CRTC1: variants seen among roughly 807,000 people sequenced by gnomAD.
CRTC1 encodes CREB-regulated transcription coactivator 1.
In CRTC1, 18 loss-of-function variants were observed where a neutral mutation model predicts 66.1. That is an observed-to-expected ratio of 0.27 (90% CI 0.19 to 0.40). The LOEUF is 0.40. CRTC1 is among the 10% of genes least tolerant of loss of function. The pLI is 1.00. For missense variants in CRTC1, 669 were observed against 887.9 expected (o/e 0.75, Z 3.13); for synonymous variants, 416 against 398.8 (o/e 1.04, Z -0.51).
intron 1 of CRTC1, among the ~76,000 whole-genome samples, chr19:18,697,097 A>C (rs1050576583): frequency 3.9e-5 from 6 of 151,912 alleles, no homozygotes; most frequent in African/African-American, 1.5e-4. Context: ...CAGCAGCTGG[A>C]TGGGGGTCCA....
intron 2 of CRTC1, among the ~76,000 whole-genome samples, chr19:18,743,467 G>A (rs575298373): frequency 2.2e-3 from 338 of 152,354 alleles, no homozygotes; most frequent in Non-Finnish European, 3.5e-3. Context: ...CACAGCCGCC[G>A]TGCACAGCCT....
intron 10 of CRTC1, among the ~76,000 whole-genome samples, chr19:18,769,058 G>A (rs1271720842): frequency 6.6e-6 from 1 of 152,242 alleles, no homozygotes; most frequent in African/African-American, 2.4e-5. Context: ...TAACTGCCGA[G>A]CACCCCTTCT....
At position 18,768,171 on chromosome 19, in the gene CRTC1, G is replaced by A. The variant is rs971215503; in HGVS notation, c.1012-314G>A. Among the ~76,000 whole-genome samples the A allele has an allele frequency of 6.6e-5, 10 of 152,190 alleles. No homozygotes were observed. The highest frequency in any genetic ancestry group is 2.4e-4 in the African/African-American group (10 of 41,442). On this transcript the variant is annotated intron_variant, in intron 9 of 13. Coordinates refer to ENST00000321949, the MANE Select transcript of CRTC1 (RefSeq NM_015321.3). The surrounding 1 kb of genome is among the most constrained non-coding windows in gnomAD (Gnocchi z 5.6). ...GAGCTGGCTGCTCACTGAGCCACCA[G>A]GGATGGCCATCCTGGGCTTGCCCTG...
chr19:18,739,893 G>A (rs1049115636), intron 1 of CRTC1, among the ~76,000 whole-genome samples: 10 of 152,120 alleles, frequency 6.6e-5, no homozygotes, highest in African/African-American at 2.2e-4. Flanking sequence ...AAATTCACTG[G>A]AAGGACTCCC....
chr19:18,719,640 A>G (rs369959383), intron 1 of CRTC1, among the ~76,000 whole-genome samples: 42 of 152,212 alleles, frequency 2.8e-4, no homozygotes, highest in African/African-American at 8.9e-4. Flanking sequence ...GGTTCAGCCC[A>G]GACCCCAAGC....
chr19:18,716,747 C>T (rs1482261991), intron 1 of CRTC1, among the ~76,000 whole-genome samples: 3 of 152,122 alleles, frequency 2.0e-5, no homozygotes, highest in Admixed American at 6.6e-5. Flanking sequence ...GTGGTTTGGG[C>T]GCTGCAGGGT....
intron 1 of CRTC1, among the ~76,000 whole-genome samples, chr19:18,727,533 A>G (rs2053786084): frequency 7.4e-6 from 1 of 134,612 alleles, no homozygotes; most frequent in East Asian, 2.6e-4. Context: ...GTGAGCCGAG[A>G]TCACGCCACT....
At chr19:18,697,004 G>T (rs1027244324) in intron 1 of CRTC1, among the ~76,000 whole-genome samples, 1 of 152,062 alleles carries the variant, frequency 6.6e-6, no homozygotes, top group African/African-American at 2.4e-5. Flanking sequence ...TTCTGGTTGG[G>T]GTATGTCTCT....
At chr19:18,685,137 T>C (rs946945569) in intron 1 of CRTC1, among the ~76,000 whole-genome samples, 1 of 152,176 alleles carries the variant, frequency 6.6e-6, no homozygotes, top group Non-Finnish European at 1.5e-5. Flanking sequence ...TTTCAGTCTG[T>C]GTTACTTTGT....
chr19:18,777,693 T>C lies in CRTC1; in HGVS notation c.*311T>C, dbSNP rs2055024661. 2.3e-5 allele frequency: 9 copies of C among 391,150 alleles called. 1 individual carries two copies. In the South Asian group the frequency reaches 2.6e-4, roughly 11 times the overall value. 24.2% of individuals were successfully genotyped at this position (391,150 alleles called of 1,614,324 possible). A position where few individuals can be genotyped will look rare whatever the true frequency, so the allele number is the denominator to read the frequency against. ...CAGCCCCGGGGCCTGAGCCGTCCCC[T>C]GTAAGATGCGGGAAGTGTCAGCTCC... On this transcript the variant is annotated 3_prime_UTR_variant, in exon 14 of 14. Transcript: ENST00000321949. This position sits in a 1 kb window ranked among gnomAD's most constrained non-coding sequence, Gnocchi z 5.5.
rs376836312 is a variant in CRTC1 at position 18,735,974 on chromosome 19, G to T, written c.127-6936G>T. 1.0e-3 allele frequency among the ~76,000 whole-genome samples: 153 copies of T among 152,310 alleles called. 1 individual carries two copies. The highest frequency in any genetic ancestry group is 3.5e-3 in the African/African-American group (144 of 41,576). On this transcript the variant is annotated intron_variant, in intron 1 of 13. Coordinates refer to ENST00000321949, the MANE Select transcript of CRTC1 (RefSeq NM_015321.3). ...CTGGGCAGACTCTTGCCTTGAGTCTGGCAGGGGAGGTGGGGACACTGCCGT... is the reference window on the plus strand; with the variant it reads ...CTGGGCAGACTCTTGCCTTGAGTCTTGCAGGGGAGGTGGGGACACTGCCGT...
rs376866774 is a variant in CRTC1, at chr19:18,775,519, A to G, written c.1513-122A>G. On this transcript the variant is annotated intron_variant, in intron 12 of 13. Coordinates refer to ENST00000321949, the MANE Select transcript of CRTC1 (RefSeq NM_015321.3). Reference sequence around the variant, plus strand: ...TTCGTGCTTGGCAGCCTGGGTGCCGAGCATCCTGCAGGGACAGAGTCCCCA... The same window carrying G: ...TTCGTGCTTGGCAGCCTGGGTGCCGGGCATCCTGCAGGGACAGAGTCCCCA... The G allele has an allele frequency of 1.7e-5, 15 of 893,478 alleles. No homozygotes were observed. The African/African-American group carries it at 2.6e-4, about 16-fold the overall frequency. The allele number at this position is 893,478 out of a possible 1,614,324, so 55.3% of individuals were successfully genotyped here. A position where few individuals can be genotyped will look rare whatever the true frequency, so the allele number is the denominator to read the frequency against.
In CRTC1 at chr19:18,771,445, C is replaced by G; in HGVS notation, c.1324C>G (p.Pro442Ala). The G allele has an allele frequency of 6.2e-7, 1 of 1,612,296 alleles. No homozygotes were observed. Among genetic ancestry groups the G allele is most frequent in the Non-Finnish European group, 8.5e-7 (1 of 1,179,180 alleles). Residue 442 changes from proline (P) to alanine (A), a missense_variant, in exon 11 of 14, where the codon CCG (proline) becomes GCG (alanine). Coordinates refer to ENST00000321949, the MANE Select transcript of CRTC1 (RefSeq NM_015321.3). The surrounding 1 kb of genome is among the most constrained non-coding windows in gnomAD (Gnocchi z 4.6). ...GCTGATCTGTCTGTCATCGCAGGCG[C>G]CGGCTCTGCAGCAGTACCGCACTAG... ...PSMGIDIASA[P>A]ALQQYRTSAG...
chr19:18,765,789 C>T (rs569266109), intron 9 of CRTC1, among the ~76,000 whole-genome samples: 4 of 152,138 alleles, frequency 2.6e-5, no homozygotes, highest in South Asian at 2.1e-4. Context: ...GGTGAAACCT[C>T]GTCTCTACAA....
chr19:18,729,627 G>C (rs1308557934), intron 1 of CRTC1, among the ~76,000 whole-genome samples: 1 of 151,998 alleles, frequency 6.6e-6, no homozygotes, highest in African/African-American at 2.4e-5. Flanking sequence ...TGTAGTCCCA[G>C]CTACTGGGGA....
chr19:18,732,530 C>T (rs2053913115), intron 1 of CRTC1, among the ~76,000 whole-genome samples: 1 of 152,234 alleles, frequency 6.6e-6, no homozygotes, highest in African/African-American at 2.4e-5. Context: ...TTTATCATGG[C>T]AGCCTGGGCT....
chr19:18,759,412 C>T (rs963803963), intron 6 of CRTC1, 139 bp from the exon 7 acceptor site: 39 of 878,126 alleles, frequency 4.4e-5, no homozygotes, highest in Non-Finnish European at 5.9e-5. Context: ...TGGGGCTCTG[C>T]GGCCCCAGCA....
chr19:18,769,458 G>C (rs1247658766), intron 10 of CRTC1, among the ~76,000 whole-genome samples: 1 of 152,232 alleles, frequency 6.6e-6, no homozygotes, highest in Non-Finnish European at 1.5e-5. Context: ...CCTCCCACTT[G>C]ACCCCGACTG....
rs142627841 is a variant in CRTC1, at chr19:18,715,822, C to A, written c.127-27088C>A. ...TGGAGGTTTGTCCCAGCCAAGGGGC[C>A]CACCTGGCTGAACCCACCCTGCTCA... On this transcript the variant is annotated intron_variant, in intron 1 of 13. Coordinates refer to ENST00000321949, the MANE Select transcript of CRTC1 (RefSeq NM_015321.3). 8.5e-5 allele frequency among the ~76,000 whole-genome samples: 13 copies of A among 152,298 alleles called. No individual in the cohort carries two copies. In the East Asian group the frequency reaches 2.5e-3, roughly 29 times the overall value.
Sources: allele counts gnomAD v4.1 joint callset (sites outside exome capture counted in the v4.1 genomes callset), GRCh38; gene constraint gnomAD v4.1.1; non-coding constraint Gnocchi (gnomAD v3.1); transcripts MANE v1.5; gene names NCBI Gene and HGNC (gene_info 2026-07-23, HGNC 2026-07-21).